NCOR2: variants seen among roughly 807,000 people sequenced by gnomAD.
NCOR2 encodes nuclear receptor corepressor 2.
NCOR2 carries 81 observed loss-of-function variants against 262.9 expected under a neutral mutation model. The ratio of observed to expected loss-of-function variants is 0.31; its 90% CI spans 0.26 to 0.37. The LOEUF (loss-of-function observed/expected upper bound fraction) is 0.37, where lower values mean the gene tolerates loss of function less well. Ranked by LOEUF, NCOR2 falls within the 10% of genes least tolerant of loss-of-function variation. NCOR2 has a pLI of 1.00. For synonymous variants in NCOR2, 1,659 were observed against 1,559.3 expected (o/e 1.06, Z -1.51); for missense variants, 3,385 against 3,621.4 (o/e 0.93, Z 1.68).
intron 3 of NCOR2, among the ~76,000 whole-genome samples, chr12:124,474,857 C>A (rs1012152147): frequency 2.0e-5 from 3 of 152,090 alleles, no homozygotes; most frequent in Non-Finnish European, 2.9e-5. Context: ...CAGACAAGGC[C>A]CAGAGCAGCG....
At chr12:124,403,907 C>A (rs2042122226) in intron 13 of NCOR2, among the ~76,000 whole-genome samples, 2 of 152,296 alleles carry the variant, frequency 1.3e-5, no homozygotes, top group East Asian at 3.9e-4. Context: ...GCCTCTTTTC[C>A]CCAGGAATCC....
At chr12:124,327,276 T>G in intron 45 of NCOR2, 133 bp downstream of exon 47, 1 of 748,416 alleles carries the variant, frequency 1.3e-6, no homozygotes, top group East Asian at 2.7e-5. Context: ...CAGAACGAGG[T>G]CAAACACGCA....
rs114963020 is a variant in NCOR2, at chr12:124,494,005, G to A, written c.105+1142C>T. Among the ~76,000 whole-genome samples, 1,240 of 152,256 alleles carry A rather than the reference G, an allele frequency of 8.1e-3. 12 individuals carry two copies. Among genetic ancestry groups the A allele is most frequent in the African/African-American group, 0.027 (1,112 of 41,534 alleles). ...CAATGACTCTGCCCAGGGAACTGCC[G>A]TCCTAAGAGGGATCCACAACGCACC... On this transcript the variant is annotated intron_variant, in intron 1 of 46. Coordinates refer to ENST00000405201, the Ensembl canonical transcript of NCOR2.
At chr12:124,434,970 T>A (rs1300016931) in intron 8 of NCOR2, among the ~76,000 whole-genome samples, 2 of 152,240 alleles carry the variant, frequency 1.3e-5, no homozygotes, top group African/African-American at 4.8e-5. Flanking sequence ...GTATTAAGAA[T>A]AAATTCGGTG....
intron 17 of NCOR2, among the ~76,000 whole-genome samples, chr12:124,381,853 G>A (rs766248800): frequency 6.6e-6 from 1 of 152,214 alleles, no homozygotes; most frequent in Non-Finnish European, 1.5e-5. Context: ...GGTAACCTTC[G>A]GCCATAAGGA....
chr12:124,384,621 G>C (rs948276552), intron 17 of NCOR2, among the ~76,000 whole-genome samples: 1 of 152,184 alleles, frequency 6.6e-6, no homozygotes, highest in Non-Finnish European at 1.5e-5. Context: ...CACAGTGCTT[G>C]GGCGGAGTTC....
intron 4 of NCOR2, among the ~76,000 whole-genome samples, chr12:124,467,093 C>T (rs2046463834): frequency 2.2e-5 from 3 of 136,032 alleles, no homozygotes; most frequent in Non-Finnish European, 3.2e-5. Context: ...TCCTCATCAC[C>T]CTCATCATCC....
intron 1 of NCOR2, among the ~76,000 whole-genome samples, chr12:124,556,722 C>T (rs544120232): frequency 4.6e-4 from 70 of 152,188 alleles, no homozygotes; most frequent in African/African-American, 1.6e-3. Flanking sequence ...TAGCCATGTG[C>T]GCCTATAATC....
chr12:124,554,218 G>A (rs1221306463), intron 1 of NCOR2, among the ~76,000 whole-genome samples: 3 of 152,154 alleles, frequency 2.0e-5, no homozygotes, highest in Non-Finnish European at 4.4e-5. Flanking sequence ...GAGGTGCCGC[G>A]AGGTGGCATC....
At chr12:124,490,894 G>A (rs1309388764) in intron 1 of NCOR2, among the ~76,000 whole-genome samples, 1 of 152,264 alleles carries the variant, frequency 6.6e-6, no homozygotes, top group Non-Finnish European at 1.5e-5. Context: ...GCCGGACTGG[G>A]CCTGGCTGAG....
Position 124,549,334 on chromosome 12 carries a change from T to C in NCOR2, c.-164-13723A>G, listed in dbSNP as rs555481806. Among the ~76,000 whole-genome samples, 3 of 152,084 alleles carry C rather than the reference T, an allele frequency of 2.0e-5. No individual in the cohort carries two copies. The highest frequency in any genetic ancestry group is 4.4e-5 in the Non-Finnish European group (3 of 68,008). ...ATCCCACACTCCCCGCTTGGCCGGG[T>C]GGCCCACTGCCCGTCTGGCTTTCGA... On this transcript the variant is annotated intron_variant, in intron 1 of 32. Coordinates refer to the NCOR2 transcript ENST00000458234. The surrounding 1 kb of genome is among the most constrained non-coding windows in gnomAD (Gnocchi z 4.4).
At chr12:124,384,934 G>A (rs1463743333) in intron 17 of NCOR2, among the ~76,000 whole-genome samples, 1 of 152,038 alleles carries the variant, frequency 6.6e-6, no homozygotes, top group Admixed American at 6.5e-5. Context: ...ATAACTGTGG[G>A]TGCATATCGC....
chr12:124,483,449 G>A lies in NCOR2; in HGVS notation c.411+147C>T. ...GCGCCTGCCCTCTTCCTGCCACCCAGCTCTGTGCACCCGGTGCTTGGCCCA... is the reference window on the plus strand; with the variant it reads ...GCGCCTGCCCTCTTCCTGCCACCCAACTCTGTGCACCCGGTGCTTGGCCCA... On this transcript the variant is annotated intron_variant, in intron 3 of 46. Transcript: ENST00000405201. The surrounding 1 kb of genome is among the most constrained non-coding windows in gnomAD (Gnocchi z 6.3). The A allele has an allele frequency of 1.2e-6, 1 of 855,842 alleles. No homozygotes were observed. Among genetic ancestry groups the A allele is most frequent in the Non-Finnish European group, 1.7e-6 (1 of 583,954 alleles). The allele number at this position is 855,842 out of a possible 1,614,324, so 53.0% of individuals were successfully genotyped here.
At chr12:124,392,912 G>A (rs1019353417) in intron 16 of NCOR2, among the ~76,000 whole-genome samples, 8 of 152,350 alleles carry the variant, frequency 5.3e-5, no homozygotes, top group East Asian at 1.9e-4. Context: ...GGGTCTGCCC[G>A]GGCTTACTGG....
Position 124,495,239 on chromosome 12 carries a change from T to A in NCOR2, c.13A>T (p.Thr5Ser). The change falls in exon 1 of 47, where the codon ACA (threonine) becomes TCA (serine). Residue 5 changes from threonine to serine, a missense_variant. Around this residue, in one of 5 missense-constraint regions of NCOR2, gnomAD observed 237 missense variants for 229.4 expected, o/e 1.03. Transcript: ENST00000405201. This position sits in a 1 kb window ranked among gnomAD's most constrained non-coding sequence, Gnocchi z 4.4. ...CTCCACGTCTGTGCCACAGGCTGTGTGGATCCCGACATGGTGGTGGGGGTC... is the reference window on the plus strand; with the variant it reads ...CTCCACGTCTGTGCCACAGGCTGTGAGGATCCCGACATGGTGGTGGGGGTC... The A allele has an allele frequency of 1.9e-6, 3 of 1,613,210 alleles. No homozygotes were observed. The highest frequency in any genetic ancestry group is 2.5e-6 in the Non-Finnish European group (3 of 1,179,674).
chr12:124,449,940 C>A, intron 6 of NCOR2, 73 bp from the exon 9 acceptor site: 2 of 1,505,330 alleles, frequency 1.3e-6, no homozygotes, highest in Non-Finnish European at 1.8e-6. Flanking sequence ...CCGGTAGGAG[C>A]CACAGCCCTG....
At chr12:124,495,626 G>A (rs180736649), upstream of NCOR2, among the ~76,000 whole-genome samples, 130 of 152,200 alleles carry the variant, frequency 8.5e-4, no homozygotes, top group African/African-American at 2.0e-3. The surrounding 1 kb of genome is among the most constrained non-coding windows in gnomAD (Gnocchi z 4.4). Flanking sequence ...GCCTTCACCC[G>A]GCAGGCACAG....
At chr12:124,477,659 G>A (rs1002625960) in intron 3 of NCOR2, among the ~76,000 whole-genome samples, 3 of 152,242 alleles carry the variant, frequency 2.0e-5, no homozygotes, top group East Asian at 1.9e-4. Flanking sequence ...AGGCAAACCC[G>A]GATTGCCAAG....
Position 124,483,469 on chromosome 12 carries a change from G to A in NCOR2, c.411+127C>T, listed in dbSNP as rs2047610177. The A allele has an allele frequency of 9.5e-7, 1 of 1,050,082 alleles. No individual in the cohort carries two copies. The highest frequency in any genetic ancestry group is 1.6e-5 in the African/African-American group (1 of 61,106). The allele number at this position is 1,050,082 out of a possible 1,614,324, so 65.0% of individuals were successfully genotyped here. ...ACCCAGCTCTGTGCACCCGGTGCTT[G>A]GCCCACCTCCAAGCCTTTGCCCGAG... On this transcript the variant is annotated intron_variant, in intron 3 of 46. Coordinates refer to ENST00000405201, the Ensembl canonical transcript of NCOR2. This position sits in a 1 kb window ranked among gnomAD's most constrained non-coding sequence, Gnocchi z 6.3.
Sources: allele counts gnomAD v4.1 joint callset (sites outside exome capture counted in the v4.1 genomes callset), GRCh38; gene constraint gnomAD v4.1.1; regional missense constraint gnomAD v4.1.1; non-coding constraint Gnocchi (gnomAD v3.1); transcripts MANE v1.5; gene names NCBI Gene and HGNC (gene_info 2026-07-23, HGNC 2026-07-21).